The following ANO10 variants were observed in gnomAD, a reference collection of about 807,000 sequenced individuals.
The protein encoded by ANO10 is anoctamin-10.
Under a neutral mutation model 74.7 loss-of-function variants are expected in ANO10, and 77 were observed. The ratio of observed to expected loss-of-function variants is 1.03; its 90% CI spans 0.86 to 1.25. The LOEUF is 1.25. Ranked by LOEUF, ANO10 falls within the 50% of genes most tolerant of loss-of-function variation. The probability of loss-of-function intolerance (pLI) is 0.00; values close to 1 mark genes in which losing one functional copy is unlikely to be tolerated. For missense variants in ANO10, 721 were observed against 778.1 expected (o/e 0.93, Z 0.87); for synonymous variants, 279 against 284.9 (o/e 0.98, Z 0.21).
intron 12 of ANO10, among the ~76,000 whole-genome samples, chr3:43,384,892 A>C (rs1020423457): frequency 6.6e-6 from 1 of 152,240 alleles, no homozygotes; most frequent in African/African-American, 2.4e-5. Context: ...CCCAAAAGCA[A>C]ATGCAACAAA....
At chr3:43,594,646 A>C (rs2081984240) in intron 4 of ANO10, among the ~76,000 whole-genome samples, 2 of 152,254 alleles carry the variant, frequency 1.3e-5, no homozygotes, top group South Asian at 4.1e-4. Context: ...CTAAATGCCC[A>C]CAAGAGAAAG....
chr3:43,514,456 GA>G (rs1338682936), intron 11 of ANO10, among the ~76,000 whole-genome samples: 2 of 152,004 alleles, frequency 1.3e-5, no homozygotes, highest in African/African-American at 4.8e-5. Flanking sequence ...TATACCAAAT[GA>G]CAGAGCTTCA....
chr3:43,560,579 G>T (rs1156630348), intron 9 of ANO10, among the ~76,000 whole-genome samples: 2 of 151,886 alleles, frequency 1.3e-5, no homozygotes, highest in Non-Finnish European at 2.9e-5. Context: ...AAGAAACAAT[G>T]GCCTAAAAAA....
At chr3:43,623,768 A>G (rs147968593), upstream of ANO10, among the ~76,000 whole-genome samples, 247 of 152,346 alleles carry the variant, frequency 1.6e-3, 2 homozygotes, top group African/African-American at 5.3e-3. Flanking sequence ...CGATGCTATC[A>G]TGGCAGCTCA....
intron 12 of ANO10, among the ~76,000 whole-genome samples, chr3:43,369,063 GGGT>G (rs138555531): frequency 0.74 from 112,728 of 152,102 alleles, 47,137 homozygotes; most frequent in Non-Finnish European, 0.94. Flanking sequence ...ACAGTAGCCA[GGGT>G]GGATGGGCCT....
At position 43,549,107 on chromosome 3, in the gene ANO10, G is replaced by GT. The variant is rs1390189014; in HGVS notation, c.1797+612_1797+613insA. On this transcript the variant is annotated intron_variant, in intron 11 of 12. Transcript: ENST00000292246. ...ATGTATGGAATTTGATTTTGAATAG[G>GT]ATTTTTTTTTTAAGGGACAGTGTCT... Among the ~76,000 whole-genome samples the GT allele has an allele frequency of 1.2e-4, 7 of 59,718 alleles. 1 individual carries two copies. In the Admixed American group the frequency reaches 1.2e-3, roughly 10 times the overall value. 39.2% of individuals were successfully genotyped at this position (59,718 alleles called of 152,430 possible).
chr3:43,478,879 A>G (rs2076168526), intron 11 of ANO10, among the ~76,000 whole-genome samples: 1 of 152,232 alleles, frequency 6.6e-6, no homozygotes, highest in Non-Finnish European at 1.5e-5. Context: ...TTTTAAGGTT[A>G]GAGCATCTAA....
chr3:43,430,010 T>C (rs1223008617), intron 12 of ANO10, among the ~76,000 whole-genome samples: 3 of 152,176 alleles, frequency 2.0e-5, no homozygotes, highest in African/African-American at 7.2e-5. Flanking sequence ...AGAATGTCCA[T>C]TTCCCAAATC....
intron 11 of ANO10, among the ~76,000 whole-genome samples, chr3:43,448,904 T>C (rs1429664152): frequency 1.3e-5 from 2 of 149,054 alleles, no homozygotes; most frequent in East Asian, 4.0e-4. Context: ...CAGAGTCTTG[T>C]TCTGTCACCC....
At chr3:43,674,775 A>G (rs2084100819) in intron 1 of ANO10, among the ~76,000 whole-genome samples, 1 of 152,196 alleles carries the variant, frequency 6.6e-6, no homozygotes. Context: ...GAAATGGCTC[A>G]AAAGGATCAT....
intron 1 of ANO10, among the ~76,000 whole-genome samples, chr3:43,679,724 T>C (rs896944210): frequency 4.6e-5 from 7 of 152,098 alleles, no homozygotes; most frequent in Non-Finnish European, 8.8e-5. Flanking sequence ...CACGGCCGGG[T>C]ACTCCTCTGA....
At chr3:43,478,765 A>G (rs1369534718) in intron 11 of ANO10, among the ~76,000 whole-genome samples, 1 of 152,242 alleles carries the variant, frequency 6.6e-6, no homozygotes, top group East Asian at 1.9e-4. Flanking sequence ...TGTAGCAGAT[A>G]ATTCAATAAT....
intron 12 of ANO10, among the ~76,000 whole-genome samples, chr3:43,377,955 T>C (rs751149075): frequency 4.1e-4 from 62 of 152,184 alleles, no homozygotes; most frequent in Non-Finnish European, 2.8e-4. Context: ...GATGCCTTGG[T>C]GATCAGAGGT....
rs753610894 is a variant in ANO10 at position 43,605,723 on chromosome 3, T to A, written c.130A>T (p.Lys44Ter). Residue 44 changes from lysine (K) to a stop codon, truncating the protein, a stop_gained, in exon 2 of 13, where the codon AAA becomes TAA. Coordinates refer to ENST00000292246, the MANE Select transcript of ANO10 (RefSeq NM_018075.5). LOFTEE classifies it high-confidence loss of function. ...WLKNRIIAKK[K>*]DGGAQLLFRP... ...TGACTATTTTACTCACCTCCATCTT[T>A]TTTTTTAGCTATAATTCTGTTTTTC... 1.9e-6 allele frequency: 3 copies of A among 1,613,640 alleles called. No homozygotes were observed. Among genetic ancestry groups the A allele is most frequent in the Non-Finnish European group, 2.5e-6 (3 of 1,179,632 alleles).
chr3:43,489,959 G>A (rs572223358), intron 11 of ANO10, among the ~76,000 whole-genome samples: 14 of 151,940 alleles, frequency 9.2e-5, no homozygotes, highest in African/African-American at 1.4e-4. Context: ...CTGTTATAAC[G>A]AATCACTGGA....
intron 11 of ANO10, among the ~76,000 whole-genome samples, chr3:43,527,859 T>C (rs1434208042): frequency 1.3e-5 from 2 of 152,086 alleles, no homozygotes; most frequent in Non-Finnish European, 2.9e-5. Context: ...ATCAAAAGGA[T>C]AGTGCTTGAA....
At chr3:43,526,575 T>C (rs2149233967) in intron 11 of ANO10, among the ~76,000 whole-genome samples, 1 of 152,300 alleles carries the variant, frequency 6.6e-6, no homozygotes, top group African/African-American at 2.4e-5. Flanking sequence ...CAAAACTAAA[T>C]GGCAATTGAT....
At chr3:43,443,918 G>A (rs1159351316) in intron 11 of ANO10, among the ~76,000 whole-genome samples, 1 of 151,966 alleles carries the variant, frequency 6.6e-6, no homozygotes, top group Non-Finnish European at 1.5e-5. Flanking sequence ...CTGACCTCAA[G>A]TGATCCACCT....
rs2091432590 is a variant in ANO10 at position 43,366,979 on chromosome 3, TAAGAG to T, written c.1915-10_1915-6del. ...CTCGGTCACGAGCTTCATTTGCTGT[TAAGAG>T]AAAACAGGACACCAGGTGAGCCACA... On this transcript the variant is annotated splice_polypyrimidine_tract_variant and splice_region_variant and intron_variant, in intron 12 of 12. Transcript: ENST00000292246. The T allele has an allele frequency of 1.3e-6, 2 of 1,595,968 alleles. No homozygotes were observed. The highest frequency in any genetic ancestry group is 1.7e-6 in the Non-Finnish European group (2 of 1,170,874).
Sources: allele counts gnomAD v4.1 joint callset (sites outside exome capture counted in the v4.1 genomes callset), GRCh38; gene constraint gnomAD v4.1.1; transcripts MANE v1.5; gene names NCBI Gene and HGNC (gene_info 2026-07-23, HGNC 2026-07-21).